Variants in DST observed in about 807,000 individuals in gnomAD.
The protein encoded by DST is dystonin.
A neutral mutation model predicts 875.2 loss-of-function variants in DST; 253 were observed. The ratio of observed to expected loss-of-function variants is 0.29; its 90% confidence interval spans 0.26 to 0.32. DST has a LOEUF of 0.32. Ranked by LOEUF, DST falls within the 10% of genes least tolerant of loss-of-function variation. The pLI is 1.00. For synonymous variants in DST, 3,124 were observed against 3,197.1 expected (o/e 0.98, Z 0.77); for missense variants, 8,287 against 9,111.6 (o/e 0.91, Z 3.68).
chr6:56,683,788 C>T (rs745305915), intron 9 of DST, among the ~76,000 whole-genome samples: 5 of 152,110 alleles, frequency 3.3e-5, no homozygotes, highest in Admixed American at 2.0e-4. Flanking sequence ...CCTCACTTTC[C>T]GATAATAACA....
At chr6:56,612,316 CT>C (rs2098552271) in intron 37 of DST, among the ~76,000 whole-genome samples, 1 of 152,182 alleles carries the variant, frequency 6.6e-6, no homozygotes, top group Non-Finnish European at 1.5e-5. Context: ...TTACAGTGAG[CT>C]GAGGTCGTGC....
At chr6:56,557,252 A>G in intron 59 of DST, 67 bp downstream of exon 59, 1 of 1,435,934 alleles carries the variant, frequency 7.0e-7, no homozygotes, top group Non-Finnish European at 9.6e-7. Flanking sequence ...TATATTTATA[A>G]TGAAAACATT....
chr6:56,564,056 C>T (rs544637876), intron 55 of DST, among the ~76,000 whole-genome samples: 4 of 152,156 alleles, frequency 2.6e-5, no homozygotes, highest in South Asian at 2.1e-4. Context: ...CTCGGCTATA[C>T]GGGCTCTTTT....
chr6:56,847,741 C>A (rs1426725123), intron 4 of DST, among the ~76,000 whole-genome samples: 1 of 152,182 alleles, frequency 6.6e-6, no homozygotes, highest in Non-Finnish European at 1.5e-5. Flanking sequence ...ATTACACTGT[C>A]CTCTGGGTTC....
chr6:56,589,896 A>C (rs1011178098), intron 49 of DST, among the ~76,000 whole-genome samples: 2 of 152,272 alleles, frequency 1.3e-5, no homozygotes, highest in African/African-American at 4.8e-5. Flanking sequence ...TTTATGATTC[A>C]TCAGAATATA....
Position 56,635,625 on chromosome 6 carries a change from G to C in DST, c.3150C>G (p.Ser1050Arg). 6.2e-7 allele frequency: 1 copy of C among 1,613,934 alleles called. No individual in the cohort carries two copies. Among genetic ancestry groups the C allele is most frequent in the Non-Finnish European group, 8.5e-7 (1 of 1,179,916 alleles). The change falls in exon 24 of 104, where the codon AGC (serine) becomes AGG (arginine). Residue 1050 changes from serine (S) to arginine (R), a missense_variant. Physicochemically the swap from Ser to Arg is moderately radical, Grantham distance 110. Coordinates refer to ENST00000680361, the MANE Select transcript of DST (RefSeq NM_001374736.1). ...QRKYSCDRSSSIHKLEDLVQE... is the reference protein window; with the variant it reads ...QRKYSCDRSSRIHKLEDLVQE... ...GAACAAGGTCTTCTAGCTTGTGAATGCTGCTTGATCTATCACAGCTGTACT... is the reference window on the plus strand; with the variant it reads ...GAACAAGGTCTTCTAGCTTGTGAATCCTGCTTGATCTATCACAGCTGTACT...
chr6:56,630,382 A>G lies in DST; in HGVS notation c.4144T>C (p.Leu1382=). ...YSMSSTYIDK[L]KTVNLVLKNT... is the part of the protein sequence containing the mutation. ...TTTAACACCAAGTTAACAGTTTTCAACCTTAAAAAGGAAATTAAACAATAG... is the reference window on the plus strand; with the variant it reads ...TTTAACACCAAGTTAACAGTTTTCAGCCTTAAAAAGGAAATTAAACAATAG... Residue 1382 remains leucine, a splice_region_variant and synonymous_variant, in exon 31 of 104, where the codon TTG becomes CTG. Coordinates refer to ENST00000680361, the MANE Select transcript of DST (RefSeq NM_001374736.1). The G allele has an allele frequency of 6.2e-7, 1 of 1,612,164 alleles. No homozygotes were observed. Among genetic ancestry groups the G allele is most frequent in the African/African-American group, 1.3e-5 (1 of 74,990 alleles).
At chr6:56,517,471 C>T (rs1356921192) in intron 70 of DST, 30 bp downstream of exon 70, 1 of 1,606,382 alleles carries the variant, frequency 6.2e-7, no homozygotes, top group Non-Finnish European at 8.5e-7. Flanking sequence ...GCAAATAATT[C>T]ATATGGCAAT....
intron 4 of DST, among the ~76,000 whole-genome samples, chr6:56,839,757 T>C (rs1052864247): frequency 1.3e-5 from 2 of 152,194 alleles, no homozygotes; most frequent in Non-Finnish European, 2.9e-5. Flanking sequence ...TCTTCGTTCC[T>C]TTTGTCACCA....
intron 4 of DST, among the ~76,000 whole-genome samples, chr6:56,822,666 T>C (rs1027281132): frequency 3.9e-5 from 6 of 151,976 alleles, no homozygotes; most frequent in Non-Finnish European, 8.8e-5. Context: ...ATTAAAATGA[T>C]AGAATAGGTA....
intron 4 of DST, chr6:56,850,978 ATCT>A (rs1764902356): frequency 5.7e-6 from 1 of 176,022 alleles, no homozygotes. Context: ...AAAACCATGG[ATCT>A]TCTCAATCTG....
chr6:56,585,733 G>C (rs1333847019), intron 49 of DST, among the ~76,000 whole-genome samples: 1 of 151,080 alleles, frequency 6.6e-6, no homozygotes, highest in Non-Finnish European at 1.5e-5. Flanking sequence ...TGGGCATTTA[G>C]TGCTATAAAT....
intron 36 of DST, chr6:56,616,272 A>T: frequency 6.2e-7 from 1 of 1,614,048 alleles, no homozygotes; most frequent in South Asian, 1.1e-5. Flanking sequence ...TTGAAGTGTA[A>T]TCCTGTTTTA....
At chr6:56,922,106 T>C (rs891071837) in intron 2 of DST, among the ~76,000 whole-genome samples, 1 of 152,162 alleles carries the variant, frequency 6.6e-6, no homozygotes, top group Non-Finnish European at 1.5e-5. Context: ...AAAATCTCTG[T>C]TTTCCCATGC....
Position 56,463,584 on chromosome 6 carries a change from G to A in DST, c.22940C>T (p.Pro7647Leu). ...TCTTACCTTGGGTGTGGTGGTGGCA[G>A]GGACCTGTGGGGAGGCCGCCTGCGC... is the stretch of plus-strand genomic sequence containing the variant. ...QAAQAASPQV[P>L]ATTTPKILHP... Residue 7647 changes from proline to leucine, a missense_variant, in exon 101 of 104, where the codon CCT becomes CTT. Coordinates refer to ENST00000680361, the MANE Select transcript of DST (RefSeq NM_001374736.1). The A allele has an allele frequency of 1.3e-6, 2 of 1,595,072 alleles. No individual in the cohort carries two copies. The highest frequency in any genetic ancestry group is 1.7e-6 in the Non-Finnish European group (2 of 1,168,596).
chr6:56,550,087 G>C (rs1382403130), intron 61 of DST, among the ~76,000 whole-genome samples: 1 of 152,080 alleles, frequency 6.6e-6, no homozygotes, highest in Non-Finnish European at 1.5e-5. Flanking sequence ...TTGATTTGTT[G>C]ATTATTGTAA....
In DST at chr6:56,845,961, G is replaced by A. The variant is rs558687007; in HGVS notation, c.625+5436C>T. ...TATTCCATAGAGAAGAGGCAAAAGC[G>A]TAGCAGTAAATAGCTTGGACTTTGG... is the stretch of plus-strand genomic sequence containing the variant. On this transcript the variant is annotated intron_variant, in intron 4 of 103. Coordinates refer to ENST00000680361, the MANE Select transcript of DST (RefSeq NM_001374736.1). Among the ~76,000 whole-genome samples, 5 of 152,330 alleles carry A rather than the reference G, an allele frequency of 3.3e-5. No homozygotes were observed. The South Asian group carries it at 8.3e-4, about 25-fold the overall frequency.
intron 4 of DST, among the ~76,000 whole-genome samples, chr6:56,828,247 C>T (rs2099783122): frequency 6.6e-6 from 1 of 152,192 alleles, no homozygotes. Context: ...AATCCAAGAG[C>T]AGCAGCCAAA....
chr6:56,803,383 G>A (rs974992415), intron 4 of DST, among the ~76,000 whole-genome samples: 9 of 151,712 alleles, frequency 5.9e-5, no homozygotes, highest in Non-Finnish European at 1.3e-4. Flanking sequence ...CTATCATAGT[G>A]ACACTATTGA....
Sources: allele counts gnomAD v4.1 joint callset (sites outside exome capture counted in the v4.1 genomes callset), GRCh38; gene constraint gnomAD v4.1.1; transcripts MANE v1.5; gene names NCBI Gene and HGNC (gene_info 2026-07-23, HGNC 2026-07-21).